Variants in DEUP1 observed in about 807,000 individuals in gnomAD.
The protein encoded by DEUP1 is deuterosome assembly protein 1.
A neutral mutation model predicts 87.4 loss-of-function variants in DEUP1; 82 were observed. That is an observed-to-expected ratio of 0.94 (90% CI 0.78 to 1.13). The LOEUF is 1.13. Among genes scored for constraint, DEUP1 ranks in the 50% most tolerant of loss-of-function variants. The pLI, the probability that DEUP1 is intolerant of heterozygous loss-of-function variation, is 0.00. For synonymous variants in DEUP1, 214 were observed against 222.7 expected (o/e 0.96, Z 0.35); for missense variants, 663 against 681.5 (o/e 0.97, Z 0.30).
At chr11:93,427,309 G>C (rs963258809) in intron 13 of DEUP1, among the ~76,000 whole-genome samples, 2 of 151,784 alleles carry the variant, frequency 1.3e-5, no homozygotes, top group Non-Finnish European at 2.9e-5. Flanking sequence ...AGAGCCCTCA[G>C]AAATAATGCC....
intron 2 of DEUP1, chr11:93,352,375 G>T (rs769618003): frequency 2.8e-6 from 2 of 702,524 alleles, no homozygotes; most frequent in Non-Finnish European, 5.2e-6. Flanking sequence ...GCTCCCTGGA[G>T]AATGCTTCAG....
chr11:93,419,393 T>C (rs971263439), intron 13 of DEUP1, among the ~76,000 whole-genome samples: 1 of 152,204 alleles, frequency 6.6e-6, no homozygotes, highest in Non-Finnish European at 1.5e-5. Flanking sequence ...GTTGCTTTGT[T>C]CTTATGCTAG....
intron 13 of DEUP1, among the ~76,000 whole-genome samples, chr11:93,416,001 G>C (rs1165714600): frequency 6.6e-6 from 1 of 151,832 alleles, no homozygotes; most frequent in East Asian, 1.9e-4. Flanking sequence ...ATTTCCACTG[G>C]GTATGCATAC....
intron 2 of DEUP1, among the ~76,000 whole-genome samples, chr11:93,335,599 C>A (rs947551524): frequency 6.6e-6 from 1 of 152,086 alleles, no homozygotes; most frequent in Non-Finnish European, 1.5e-5. Flanking sequence ...AAGGTTTATG[C>A]GTATATCTTC....
chr11:93,391,979 G>A (rs1946778357), intron 9 of DEUP1, among the ~76,000 whole-genome samples: 1 of 152,136 alleles, frequency 6.6e-6, no homozygotes, highest in Non-Finnish European at 1.5e-5. Flanking sequence ...GTTAAATGAT[G>A]AGGTTCGATC....
intron 11 of DEUP1, among the ~76,000 whole-genome samples, chr11:93,398,044 C>T (rs1018131967): frequency 6.6e-6 from 1 of 152,038 alleles, no homozygotes; most frequent in Non-Finnish European, 1.5e-5. Flanking sequence ...ATACCCCCTC[C>T]TCTAGATGAT....
At chr11:93,342,607 T>C (rs901062093) in intron 2 of DEUP1, among the ~76,000 whole-genome samples, 8 of 152,222 alleles carry the variant, frequency 5.3e-5, no homozygotes, top group Non-Finnish European at 1.0e-4. Context: ...CAGATTTTGT[T>C]ACATGTCCAT....
Position 93,420,264 on chromosome 11 carries a change from G to A in DEUP1, c.1638+5150G>A, listed in dbSNP as rs1336007614. Among the ~76,000 whole-genome samples the A allele has an allele frequency of 7.9e-5, 12 of 151,976 alleles. No individual in the cohort carries two copies. In the South Asian group the frequency reaches 1.2e-3, roughly 16 times the overall value. The stretch of plus-strand genomic sequence containing the variant: ...GGGATGCAAGGCTGGTTCAACATAC[G>A]CAAATCAATAAATGTAATCCAGCAT... On this transcript the variant is annotated intron_variant, in intron 13 of 13. Transcript: ENST00000298050.
chr11:93,407,219 T>C (rs1046897398), intron 11 of DEUP1, among the ~76,000 whole-genome samples: 18 of 150,874 alleles, frequency 1.2e-4, no homozygotes, highest in Non-Finnish European at 2.7e-4. Flanking sequence ...AAAAAAAAAC[T>C]GAATTCAACA....
At chr11:93,396,525 G>C (rs1421576091) in intron 11 of DEUP1, among the ~76,000 whole-genome samples, 200 bp downstream of exon 11, 1 of 152,122 alleles carries the variant, frequency 6.6e-6, no homozygotes, top group Non-Finnish European at 1.5e-5. Context: ...CTTGTTCTTT[G>C]GTTGGATTGG....
At chr11:93,347,973 C>T (rs1032856396) in intron 2 of DEUP1, among the ~76,000 whole-genome samples, 2 of 152,154 alleles carry the variant, frequency 1.3e-5, no homozygotes, top group African/African-American at 4.8e-5. Flanking sequence ...ATCTCCTGAC[C>T]TTGTGACCCG....
intron 4 of DEUP1, among the ~76,000 whole-genome samples, chr11:93,358,623 G>A (rs781542527): frequency 1.1e-4 from 17 of 152,068 alleles, no homozygotes; most frequent in Non-Finnish European, 2.4e-4. Flanking sequence ...TTGCTCTGTC[G>A]CCCAGGCTGG....
chr11:93,412,561 G>C (rs1193179599), intron 12 of DEUP1, among the ~76,000 whole-genome samples: 1 of 152,082 alleles, frequency 6.6e-6, no homozygotes, highest in Non-Finnish European at 1.5e-5. Flanking sequence ...ATAAATGTTA[G>C]TAATTAACAC....
chr11:93,388,982 A>G, intron 8 of DEUP1, 38 bp from the exon 9 acceptor site: 1 of 1,108,878 alleles, frequency 9.0e-7, no homozygotes. Flanking sequence ...TATCAAGTTA[A>G]GCTTAATTTT....
At chr11:93,397,761 A>C (rs1946984463) in intron 11 of DEUP1, among the ~76,000 whole-genome samples, 1 of 152,160 alleles carries the variant, frequency 6.6e-6, no homozygotes. Context: ...CATAAGGAGG[A>C]GATGGGTTGA....
intron 13 of DEUP1, among the ~76,000 whole-genome samples, chr11:93,415,926 G>C (rs1947606142): frequency 6.6e-6 from 1 of 151,778 alleles, no homozygotes; most frequent in Admixed American, 6.6e-5. Flanking sequence ...TTTCCAATTT[G>C]GGGCTATTAC....
At chr11:93,344,805 G>GA (rs1344874873) in intron 2 of DEUP1, among the ~76,000 whole-genome samples, 1 of 151,434 alleles carries the variant, frequency 6.6e-6, no homozygotes, top group Non-Finnish European at 1.5e-5. Flanking sequence ...TTGCCAATGT[G>GA]AAAATGGAAG....
In DEUP1 at chr11:93,436,644, T is replaced by C. The variant is rs1182714862; in HGVS notation, c.1639-899T>C. On this transcript the variant is annotated intron_variant, in intron 13 of 13. Coordinates refer to ENST00000298050, the MANE Select transcript of DEUP1 (RefSeq NM_181645.4). ...ATCCCTAGTTTTGGCAGGGGCCAGATTGGTGAACAAAATCCACCTAACAAG... is the reference window on the plus strand; with the variant it reads ...ATCCCTAGTTTTGGCAGGGGCCAGACTGGTGAACAAAATCCACCTAACAAG... 6.6e-5 allele frequency among the ~76,000 whole-genome samples: 10 copies of C among 152,292 alleles called. No individual in the cohort carries two copies. In the East Asian group the frequency reaches 1.7e-3, roughly 26 times the overall value.
chr11:93,436,893 A>AT (rs1373491965), intron 13 of DEUP1, among the ~76,000 whole-genome samples: 1 of 151,604 alleles, frequency 6.6e-6, no homozygotes, highest in Non-Finnish European at 1.5e-5. Flanking sequence ...ACAGATTTTT[A>AT]TTTTTTTTTA....
Sources: gnomAD v4.1 joint callset for allele counts (sites outside exome capture counted in the v4.1 genomes callset) on GRCh38, gnomAD v4.1.1 for gene constraint, MANE v1.5 for transcripts, NCBI Gene and HGNC (gene_info 2026-07-23, HGNC 2026-07-21) for gene names.